The following TUSC3 variants were observed in gnomAD, a reference collection of about 807,000 sequenced individuals.
The protein encoded by TUSC3 is tumor suppressor candidate 3, also known as dolichyl-diphosphooligosaccharide--protein glycosyltransferase subunit TUSC3.
TUSC3 carries 45 observed loss-of-function variants against 44.8 expected under a neutral mutation model. The observed-to-expected ratio is 1.00, with a 90% confidence interval of 0.79 to 1.29. The LOEUF is 1.29. Among genes scored for constraint, TUSC3 ranks in the 50% most tolerant of loss-of-function variants. The pLI is 0.00. For missense variants in TUSC3, 519 were observed against 437.9 expected (o/e 1.19, Z -1.65); for synonymous variants, 212 against 152.9 (o/e 1.39, Z -2.85).
chr8:15,720,042 T>A (rs759166923), intron 6 of TUSC3, among the ~76,000 whole-genome samples: 2 of 152,024 alleles, frequency 1.3e-5, no homozygotes, highest in Non-Finnish European at 2.9e-5. Context: ...CCTCAGCATG[T>A]TGAGTAGCTG....
intron 2 of TUSC3, among the ~76,000 whole-genome samples, chr8:15,515,779 T>C (rs1039397040): frequency 1.3e-5 from 2 of 152,114 alleles, no homozygotes; most frequent in African/African-American, 2.4e-5. Flanking sequence ...GTAACTCTCC[T>C]GCCTCAGCTT....
intron 1 of TUSC3, among the ~76,000 whole-genome samples, chr8:15,597,162 G>T (rs559402275): frequency 6.6e-6 from 1 of 151,856 alleles, no homozygotes; most frequent in Non-Finnish European, 1.5e-5. Context: ...AATCATGACA[G>T]TAGAAAGAGA....
intron 1 of TUSC3, among the ~76,000 whole-genome samples, chr8:15,433,560 C>T (rs28545778): frequency 0.059 from 8,945 of 152,002 alleles, 452 homozygotes; most frequent in South Asian, 0.14. Context: ...ATAACAGCCC[C>T]TTCACACGTA....
intron 1 of TUSC3, among the ~76,000 whole-genome samples, chr8:15,436,247 G>C (rs1231458484): frequency 6.6e-6 from 1 of 152,176 alleles, no homozygotes; most frequent in Non-Finnish European, 1.5e-5. Context: ...AGTCACATCT[G>C]CTGCCTGGTA....
chr8:15,582,653 G>A (rs1052033266), intron 1 of TUSC3, among the ~76,000 whole-genome samples: 1 of 152,194 alleles, frequency 6.6e-6, no homozygotes, highest in African/African-American at 2.4e-5. Context: ...GGGGGATAAA[G>A]CACTGGTCAC....
rs149710645 is a variant in TUSC3, at chr8:15,435,746, T to G, written n.91+18441T>G. 7.2e-3 allele frequency among the ~76,000 whole-genome samples: 1,095 copies of G among 152,326 alleles called. 13 individuals carry two copies. The highest frequency in any genetic ancestry group is 0.025 in the African/African-American group (1,026 of 41,568). ...GAGAAATAAGGATTTTTAAGGAATT[T>G]AACTTGGCCTACATTGCTCTTGGAA... On this transcript the variant is annotated intron_variant and non_coding_transcript_variant, in intron 1 of 5. Coordinates refer to the TUSC3 transcript ENST00000503191.
intron 7 of TUSC3, among the ~76,000 whole-genome samples, chr8:15,737,120 C>T (rs1206828989): frequency 6.6e-6 from 1 of 151,930 alleles, no homozygotes; most frequent in Admixed American, 6.6e-5. Context: ...TGTTTCTAGT[C>T]TATTATAGAG....
Position 15,555,019 on chromosome 8 carries a change from G to C in TUSC3, c.138+14451G>C, listed in dbSNP as rs568850843. 4.7e-3 allele frequency among the ~76,000 whole-genome samples: 711 copies of C among 151,546 alleles called. 14 individuals are homozygous for C. The highest frequency in any genetic ancestry group is 8.6e-3 in the Non-Finnish European group (581 of 67,822). On this transcript the variant is annotated intron_variant, in intron 1 of 10. Coordinates refer to ENST00000503731, the MANE Select transcript of TUSC3 (RefSeq NM_006765.4). Reference sequence around the variant, plus strand: ...TATTTAAGTTTGGGGTTTTGGCAAGGAGATTGAAGGAACACACATTATAGA... The same window carrying C: ...TATTTAAGTTTGGGGTTTTGGCAAGCAGATTGAAGGAACACACATTATAGA...
At chr8:15,471,772 C>G (rs1800497260) in intron 1 of TUSC3, among the ~76,000 whole-genome samples, 1 of 152,080 alleles carries the variant, frequency 6.6e-6, no homozygotes, top group Non-Finnish European at 1.5e-5. Flanking sequence ...TGCTCACCAA[C>G]ACGTCCAGCT....
chr8:15,694,108 A>G (rs1809040528), intron 6 of TUSC3, among the ~76,000 whole-genome samples: 1 of 151,808 alleles, frequency 6.6e-6, no homozygotes, highest in African/African-American at 2.4e-5. Flanking sequence ...CTTCGTTTTT[A>G]TCCATATTCC....
At chr8:15,422,375 T>G (rs1017307519) in intron 1 of TUSC3, among the ~76,000 whole-genome samples, 1 of 152,192 alleles carries the variant, frequency 6.6e-6, no homozygotes, top group Non-Finnish European at 1.5e-5. Flanking sequence ...ATAACACGTC[T>G]TCTTACCTAC....
chr8:15,650,101 T>C (rs1164140293), intron 2 of TUSC3, among the ~76,000 whole-genome samples: 7 of 152,178 alleles, frequency 4.6e-5, no homozygotes, highest in African/African-American at 1.4e-4. Flanking sequence ...AGAAGGAATG[T>C]TTGTGGCATC....
At chr8:15,786,412 A>G in the TUSC3 span, among the ~76,000 whole-genome samples, 2 of 152,216 alleles carry the variant, frequency 1.3e-5, no homozygotes, top group East Asian at 1.9e-4. Context: ...AAAATGAAAG[A>G]TAAAATAATG....
At chr8:15,639,634 A>T (rs189646994) in intron 2 of TUSC3, among the ~76,000 whole-genome samples, 1 of 152,166 alleles carries the variant, frequency 6.6e-6, no homozygotes, top group African/African-American at 2.4e-5. Flanking sequence ...ATAAATTACA[A>T]TTCATCTTTG....
At chr8:15,616,102 AAGT>A (rs773404239) in intron 1 of TUSC3, among the ~76,000 whole-genome samples, 1 of 152,202 alleles carries the variant, frequency 6.6e-6, no homozygotes, top group Non-Finnish European at 1.5e-5. Context: ...GGTATAATAA[AAGT>A]AGATAATTTA....
At chr8:15,677,675 C>T (rs1371566959) in intron 6 of TUSC3, among the ~76,000 whole-genome samples, 1 of 152,192 alleles carries the variant, frequency 6.6e-6, no homozygotes, top group Non-Finnish European at 1.5e-5. Context: ...GATAGCAGTG[C>T]CATAAGGCAA....
At chr8:15,617,890 C>G (rs116335266) in intron 1 of TUSC3, among the ~76,000 whole-genome samples, 2 of 152,034 alleles carry the variant, frequency 1.3e-5, no homozygotes, top group Non-Finnish European at 2.9e-5. Flanking sequence ...GTATGCTCAC[C>G]GAAACCTAGA....
At chr8:15,780,284 C>T in the TUSC3 span, among the ~76,000 whole-genome samples, 1 of 152,126 alleles carries the variant, frequency 6.6e-6, no homozygotes, top group Non-Finnish European at 1.5e-5. Context: ...CCAGGTACTG[C>T]ACAATACAGT....
chr8:15,787,648 C>T, the TUSC3 span, among the ~76,000 whole-genome samples: 1 of 152,184 alleles, frequency 6.6e-6, no homozygotes, highest in Non-Finnish European at 1.5e-5. Context: ...TTGATGCTTT[C>T]ACCACATAGG....
Sources: gnomAD v4.1 joint callset for allele counts (sites outside exome capture counted in the v4.1 genomes callset) on GRCh38, gnomAD v4.1.1 for gene constraint, MANE v1.5 for transcripts, NCBI Gene and HGNC (gene_info 2026-07-23, HGNC 2026-07-21) for gene names.